DOCK4: variants seen among roughly 807,000 people sequenced by gnomAD.
DOCK4 encodes dedicator of cytokinesis 4.
A neutral mutation model predicts 268.1 loss-of-function variants in DOCK4; 97 were observed. The observed-to-expected ratio is 0.36, with a 90% confidence interval of 0.31 to 0.43. The LOEUF (loss-of-function observed/expected upper bound fraction) is 0.43, where lower values mean the gene tolerates loss of function less well. Ranked by LOEUF, DOCK4 falls within the 20% of genes least tolerant of loss-of-function variation. The probability of loss-of-function intolerance (pLI) is 1.00; values close to 1 mark genes in which losing one functional copy is unlikely to be tolerated. For missense variants in DOCK4, 2,145 were observed against 2,455.7 expected (o/e 0.87, Z 2.67); for synonymous variants, 954 against 887.2 (o/e 1.08, Z -1.34).
intron 1 of DOCK4, among the ~76,000 whole-genome samples, chr7:112,141,619 C>G (rs539961555): frequency 6.6e-6 from 1 of 152,264 alleles, no homozygotes; most frequent in East Asian, 1.9e-4. Context: ...CATAAAATCT[C>G]CTACAGGTTC....
At chr7:112,184,874 C>T (rs1819367194) in intron 1 of DOCK4, among the ~76,000 whole-genome samples, 1 of 152,182 alleles carries the variant, frequency 6.6e-6, no homozygotes, top group Admixed American at 6.5e-5. Flanking sequence ...TCCTGACCTC[C>T]ATGTGAAACT....
chr7:112,166,836 CTTTTT>C (rs562411713), intron 1 of DOCK4, among the ~76,000 whole-genome samples: 9 of 145,774 alleles, frequency 6.2e-5, no homozygotes, highest in Admixed American at 5.5e-4. Flanking sequence ...TTAAATTCTT[CTTTTT>C]TTTTTTAAGA....
At chr7:112,000,158 C>T (rs970771122) in intron 3 of DOCK4, among the ~76,000 whole-genome samples, 79 of 152,010 alleles carry the variant, frequency 5.2e-4, no homozygotes, top group African/African-American at 1.9e-3. Flanking sequence ...TTAAATACTG[C>T]TATTTAATAT....
At chr7:111,957,727 G>A (rs982412665) in intron 8 of DOCK4, among the ~76,000 whole-genome samples, 11 of 152,160 alleles carry the variant, frequency 7.2e-5, no homozygotes, top group African/African-American at 2.7e-4. Context: ...GTATGGCCCT[G>A]AGAAGGACAG....
intron 1 of DOCK4, among the ~76,000 whole-genome samples, chr7:112,046,308 A>AT (rs1291231537): frequency 6.6e-6 from 1 of 152,212 alleles, no homozygotes; most frequent in Non-Finnish European, 1.5e-5. Context: ...AGCATTCTTC[A>AT]TTTGTTCTGC....
intron 20 of DOCK4, 133 bp from the exon 21 acceptor site, chr7:111,869,788 G>A (rs568213720): frequency 4.3e-6 from 3 of 698,130 alleles, no homozygotes; most frequent in African/African-American, 3.5e-5. Context: ...CTGTCAATCT[G>A]CTGTATAATA....
chr7:112,194,805 A>G (rs1820272326), intron 1 of DOCK4, among the ~76,000 whole-genome samples: 1 of 152,244 alleles, frequency 6.6e-6, no homozygotes, highest in Non-Finnish European at 1.5e-5. Context: ...TTCACCTCTG[A>G]TAAGTATTTT....
intron 47 of DOCK4, 57 bp downstream of exon 47, chr7:111,741,037 C>G: frequency 6.2e-7 from 1 of 1,600,962 alleles, no homozygotes; most frequent in Non-Finnish European, 8.5e-7. Flanking sequence ...AACAGAAACA[C>G]TCATGATTGA....
At chr7:112,093,325 T>C (rs1029305690) in intron 1 of DOCK4, among the ~76,000 whole-genome samples, 2 of 152,178 alleles carry the variant, frequency 1.3e-5, no homozygotes, top group African/African-American at 4.8e-5. Flanking sequence ...TAATTCTTTC[T>C]GGGCAATTAA....
At chr7:111,969,970 A>G (rs1797575155) in intron 8 of DOCK4, among the ~76,000 whole-genome samples, 1 of 152,146 alleles carries the variant, frequency 6.6e-6, no homozygotes, top group Admixed American at 6.6e-5. Flanking sequence ...TCTCTGGCCC[A>G]TGGCTAATCT....
intron 47 of DOCK4, among the ~76,000 whole-genome samples, chr7:111,740,729 TAAAAAAAAAAAAAAAA>T (rs59019816): frequency 3.0e-4 from 5 of 16,486 alleles, no homozygotes; most frequent in Non-Finnish European, 4.7e-4. Flanking sequence ...TGAGACTCGC[TAAAAAAAAAAAAAAAA>T]AAAAAAAAAA....
In DOCK4 at chr7:111,899,038, A is replaced by G. The variant is rs117080172; in HGVS notation, c.1480+1336T>C. Among the ~76,000 whole-genome samples the G allele has an allele frequency of 5.1e-3, 773 of 152,284 alleles. 3 individuals carry two copies. Among genetic ancestry groups the G allele is most frequent in the Middle Eastern group, 0.034 (10 of 294 alleles). On this transcript the variant is annotated intron_variant, in intron 15 of 52. Coordinates refer to ENST00000428084, the MANE Select transcript of DOCK4 (RefSeq NM_001363540.2). The stretch of plus-strand genomic sequence containing the variant: ...AGATTGATGGAAGAAATAGTATGGC[A>G]CCATTCTAAGTCCTTTATGTTTTCC...
intron 49 of DOCK4, among the ~76,000 whole-genome samples, chr7:111,737,439 T>C (rs1372816257): frequency 6.6e-6 from 1 of 152,180 alleles, no homozygotes; most frequent in Non-Finnish European, 1.5e-5. Flanking sequence ...TGTGTGGAGT[T>C]CTTTGTAAAT....
chr7:112,074,319 T>A (rs767254987), intron 1 of DOCK4, among the ~76,000 whole-genome samples: 1 of 152,166 alleles, frequency 6.6e-6, no homozygotes, highest in Admixed American at 6.5e-5. Context: ...AGTTATAAAA[T>A]GATTTAGATT....
At chr7:111,845,046 G>A in intron 24 of DOCK4, 149 bp from the exon 25 acceptor site, 1 of 1,157,986 alleles carries the variant, frequency 8.6e-7, no homozygotes, top group Non-Finnish European at 1.2e-6. Flanking sequence ...CAAAGGCACA[G>A]AGAAGTTAAT....
In DOCK4 at chr7:111,728,599, G is replaced by T. The variant is rs781493990; in HGVS notation, c.5603C>A (p.Thr1868Lys). 1.9e-6 allele frequency: 3 copies of T among 1,614,016 alleles called. No individual in the cohort carries two copies. Among genetic ancestry groups the T allele is most frequent in the South Asian group, 2.2e-5 (2 of 91,088 alleles). Reference sequence around the variant, plus strand: ...ATTTTCAAAGCCTGAGGTTTCCGACGTGCTGCACCGGCTGAGAGAAGAAAT... The same window carrying T: ...ATTTTCAAAGCCTGAGGTTTCCGACTTGCTGCACCGGCTGAGAGAAGAAAT... ...SGISSLSRCS[T>K]SETSGFENQV... Residue 1868 changes from threonine to lysine, a missense_variant, in exon 53 of 53, where the codon ACG (threonine) becomes AAG (lysine). By Grantham distance (78) the Thr-to-Lys change is moderately conservative. Coordinates refer to ENST00000428084, the MANE Select transcript of DOCK4 (RefSeq NM_001363540.2).
rs116791135 is a variant in DOCK4 at position 111,738,129 on chromosome 7, C to T, written c.5232+1005G>A. ...CCAAATCTTTAAAACTCAGGGCTAC[C>T]CATGAATCTTCAACTTTGAAACCAC... On this transcript the variant is annotated intron_variant, in intron 49 of 52. Transcript: ENST00000428084. Among the ~76,000 whole-genome samples, 1,211 of 152,304 alleles carry T rather than the reference C, an allele frequency of 8.0e-3. 13 individuals are homozygous for T. The highest frequency in any genetic ancestry group is 0.028 in the African/African-American group (1,167 of 41,568).
chr7:111,987,093 A>C (rs1356265762), intron 6 of DOCK4, among the ~76,000 whole-genome samples: 1 of 152,238 alleles, frequency 6.6e-6, no homozygotes, highest in Non-Finnish European at 1.5e-5. Context: ...AAAGAATTTC[A>C]AAGAAAACGG....
intron 23 of DOCK4, among the ~76,000 whole-genome samples, chr7:111,848,131 G>T (rs1370002269): frequency 6.6e-6 from 1 of 152,094 alleles, no homozygotes; most frequent in African/African-American, 2.4e-5. Flanking sequence ...TCTATCCTTT[G>T]TCTGTAAATT....
Sources: allele counts gnomAD v4.1 joint callset (sites outside exome capture counted in the v4.1 genomes callset), GRCh38; gene constraint gnomAD v4.1.1; transcripts MANE v1.5; gene names NCBI Gene and HGNC (gene_info 2026-07-23, HGNC 2026-07-21).